Variants in KCNH7 observed in about 807,000 individuals in gnomAD.
The protein encoded by KCNH7 is potassium voltage-gated channel subfamily H member 7.
In KCNH7, 49 loss-of-function variants were observed where a neutral mutation model predicts 120.8. The ratio of observed to expected loss-of-function variants is 0.41; its 90% CI spans 0.32 to 0.51. The LOEUF is 0.51. Ranked by LOEUF, KCNH7 falls within the 20% of genes least tolerant of loss-of-function variation. The probability of loss-of-function intolerance (pLI) is 0.38; values close to 1 mark genes in which losing one functional copy is unlikely to be tolerated. For missense variants in KCNH7, 1,097 were observed against 1,446.6 expected (o/e 0.76, Z 3.92); for synonymous variants, 547 against 516.1 (o/e 1.06, Z -0.81).
At chr2:162,413,953 C>T (rs897039139) in intron 9 of KCNH7, among the ~76,000 whole-genome samples, 51 of 151,402 alleles carry the variant, frequency 3.4e-4, no homozygotes, top group Admixed American at 3.2e-3. Flanking sequence ...AAAAATGCTA[C>T]GAATGGGCAA....
At chr2:162,624,596 G>C (rs1159727880) in intron 2 of KCNH7, among the ~76,000 whole-genome samples, 4 of 152,026 alleles carry the variant, frequency 2.6e-5, no homozygotes, top group Non-Finnish European at 4.4e-5. Context: ...AATTTCCAAA[G>C]TTCTATTCAA....
rs1686351548 is a variant in KCNH7, at chr2:162,379,916, T to A, written c.3068A>T (p.Glu1023Val). The change falls in exon 14 of 16, where the codon GAA (glutamate) becomes GTA (valine). Residue 1023 changes from glutamate to valine, a missense_variant. Glu to Val is a moderately radical substitution (Grantham distance 121). Coordinates refer to ENST00000332142, the MANE Select transcript of KCNH7 (RefSeq NM_033272.4). ...QRAAWGISET[E>V]SDLTYGEVEQ... ...CACTTCCCCGTAGGTGAGGTCGCTT[T>A]CGGTTTCAGAGATACCCCAGGCAGC... 6.2e-7 allele frequency: 1 copy of A among 1,613,910 alleles called. No homozygotes were observed. Among genetic ancestry groups the A allele is most frequent in the Admixed American group, 1.7e-5 (1 of 59,974 alleles).
intron 2 of KCNH7, among the ~76,000 whole-genome samples, chr2:162,571,439 AG>A (rs1693471428): frequency 6.8e-6 from 1 of 148,094 alleles, no homozygotes; most frequent in Admixed American, 6.8e-5. Context: ...ATGGGTAGGA[AG>A]AATCAATATC....
chr2:162,635,605 CT>C (rs1429734833), intron 2 of KCNH7, among the ~76,000 whole-genome samples: 1 of 152,018 alleles, frequency 6.6e-6, no homozygotes, highest in African/African-American at 2.4e-5. Flanking sequence ...ATCACAATTC[CT>C]GCTAATTCTT....
intron 4 of KCNH7, among the ~76,000 whole-genome samples, chr2:162,513,074 T>A (rs1159174106): frequency 6.6e-6 from 1 of 151,874 alleles, no homozygotes; most frequent in African/African-American, 2.4e-5. Flanking sequence ...ACATTTTGCA[T>A]GTTAAGTGTT....
At chr2:162,372,335 C>T (rs548612189) in intron 15 of KCNH7, among the ~76,000 whole-genome samples, 44 of 151,914 alleles carry the variant, frequency 2.9e-4, no homozygotes, top group African/African-American at 1.0e-3. Context: ...TTTTAAAAAT[C>T]AGATTTAAAA....
chr2:162,481,139 C>T (rs888274), intron 6 of KCNH7, among the ~76,000 whole-genome samples: 66,641 of 151,952 alleles, frequency 0.44, 18,390 homozygotes, highest in African/African-American at 0.76. Flanking sequence ...TGTCACACTT[C>T]GATTTTCTCT....
intron 2 of KCNH7, among the ~76,000 whole-genome samples, chr2:162,812,814 T>C (rs1294043949): frequency 6.6e-6 from 1 of 152,014 alleles, no homozygotes; most frequent in African/African-American, 2.4e-5. Flanking sequence ...AAAAAAGACA[T>C]TGCGTTATCA....
chr2:162,752,898 CTCAGAAA>C (rs1353541774), intron 2 of KCNH7, among the ~76,000 whole-genome samples: 10 of 8,388 alleles, frequency 1.2e-3, no homozygotes, highest in African/African-American at 1.6e-3. Flanking sequence ...AAGACTACAT[CTCAGAAA>C]AAGAAAAGAA....
intron 2 of KCNH7, among the ~76,000 whole-genome samples, chr2:162,747,563 A>G (rs1236348897): frequency 6.6e-6 from 1 of 152,164 alleles, no homozygotes; most frequent in Non-Finnish European, 1.5e-5. Flanking sequence ...AGTGACAGCG[A>G]ATGTGTAGGC....
At chr2:162,596,383 G>T (rs1277358163) in intron 2 of KCNH7, among the ~76,000 whole-genome samples, 6 of 152,144 alleles carry the variant, frequency 3.9e-5, no homozygotes, top group African/African-American at 9.6e-5. Flanking sequence ...AAGACAGAGA[G>T]CCCAGAAATA....
At chr2:162,458,738 C>T (rs1043657292) in intron 6 of KCNH7, among the ~76,000 whole-genome samples, 1 of 152,072 alleles carries the variant, frequency 6.6e-6, no homozygotes, top group Admixed American at 6.6e-5. Flanking sequence ...AGATGTTTGG[C>T]TGGGACGATG....
At chr2:162,660,151 T>C (rs1036354168) in intron 2 of KCNH7, among the ~76,000 whole-genome samples, 1 of 152,136 alleles carries the variant, frequency 6.6e-6, no homozygotes, top group Admixed American at 6.5e-5. Flanking sequence ...TCGTTATATC[T>C]TTTCTTAGGC....
Position 162,518,040 on chromosome 2 carries a change from T to C in KCNH7, c.582A>G (p.Ser194=). The C allele has an allele frequency of 1.9e-6, 3 of 1,612,526 alleles. No homozygotes were observed. The highest frequency in any genetic ancestry group is 2.2e-5 in the South Asian group (2 of 91,054). ...VIDSSKHSDD[S]VAMKHFKSPT... is the part of the protein sequence containing the mutation. ...GAGACTTAAAATGCTTCATGGCTAC[T>C]GAATCATCACTGTGTTTAGATGAAT... Residue 194 remains serine, a synonymous_variant, in exon 4 of 16, where the codon TCA becomes TCG. Transcript: ENST00000332142.
intron 2 of KCNH7, among the ~76,000 whole-genome samples, chr2:162,677,476 T>C (rs1402102983): frequency 1.3e-5 from 2 of 151,474 alleles, no homozygotes; most frequent in Middle Eastern, 3.2e-3. Context: ...TATTCAGCAT[T>C]ACATTTGAGA....
At chr2:162,474,809 T>C (rs986542186) in intron 6 of KCNH7, among the ~76,000 whole-genome samples, 1 of 151,706 alleles carries the variant, frequency 6.6e-6, no homozygotes, top group East Asian at 1.9e-4. Context: ...TGGAAACAGA[T>C]CATCCCTTAT....
intron 7 of KCNH7, among the ~76,000 whole-genome samples, chr2:162,438,358 A>T (rs574423009): frequency 3.4e-4 from 52 of 152,296 alleles, no homozygotes; most frequent in African/African-American, 1.2e-3. Context: ...ATCAAAATGA[A>T]GTCAAAATCT....
intron 2 of KCNH7, among the ~76,000 whole-genome samples, chr2:162,676,621 C>T (rs1370850282): frequency 6.6e-6 from 1 of 151,416 alleles, no homozygotes; most frequent in Non-Finnish European, 1.5e-5. Flanking sequence ...AGGAGATGCA[C>T]AACTGTCAGA....
chr2:162,430,371 A>G (rs555533008), intron 8 of KCNH7, among the ~76,000 whole-genome samples: 8 of 152,204 alleles, frequency 5.3e-5, no homozygotes, highest in African/African-American at 1.4e-4. Context: ...ATTCAAAAGG[A>G]TACCTATGTA....
Sources: allele counts gnomAD v4.1 joint callset (sites outside exome capture counted in the v4.1 genomes callset), GRCh38; gene constraint gnomAD v4.1.1; transcripts MANE v1.5; gene names NCBI Gene and HGNC (gene_info 2026-07-23, HGNC 2026-07-21).